The following GOLM2 variants were observed in gnomAD, a reference collection of about 807,000 sequenced individuals.
GOLM2 encodes golgi membrane protein 2.
In GOLM2, 26 loss-of-function variants were observed where a neutral mutation model predicts 55.9. The observed-to-expected ratio is 0.47, with a 90% CI of 0.34 to 0.65. The LOEUF (loss-of-function observed/expected upper bound fraction) is 0.65, where lower values mean the gene tolerates loss of function less well. GOLM2 is among the 30% of genes least tolerant of loss of function. The pLI is 0.01. For synonymous variants in GOLM2, 165 were observed against 194.6 expected (o/e 0.85, Z 1.27); for missense variants, 486 against 531.8 (o/e 0.91, Z 0.85).
intron 1 of GOLM2, among the ~76,000 whole-genome samples, chr15:44,306,490 C>G (rs1265035228): frequency 1.3e-5 from 2 of 152,130 alleles, no homozygotes; most frequent in Non-Finnish European, 2.9e-5. Flanking sequence ...TCCATATCAG[C>G]AACAGTAAGG....
At chr15:44,393,510 G>A (rs2079505043) in intron 8 of GOLM2, among the ~76,000 whole-genome samples, 1 of 152,152 alleles carries the variant, frequency 6.6e-6, no homozygotes, top group South Asian at 2.1e-4. Flanking sequence ...TCTAAAATGT[G>A]TATGGAAACT....
chr15:44,308,494 C>T (rs2141117592), intron 1 of GOLM2: 1 of 152,282 alleles, frequency 6.6e-6, no homozygotes, highest in Admixed American at 6.5e-5. Context: ...TCCCCTCTTT[C>T]AGTTATTGTG....
chr15:44,288,912 C>G lies in GOLM2; in HGVS notation c.-118C>G, dbSNP rs1229288268. On this transcript the variant is annotated 5_prime_UTR_variant, in exon 1 of 10. Transcript: ENST00000299957. ...CCGGCTCGCAGCCGACCGGTAAGCC[C>G]GCCTCCTCCCTCGGCCGGCCCTGGG... 7 of 925,256 alleles carry G rather than the reference C, an allele frequency of 7.6e-6. No individual in the cohort carries two copies. The East Asian group carries it at 1.9e-4, about 25-fold the overall frequency. 57.3% of individuals were successfully genotyped at this position (925,256 alleles called of 1,614,324 possible). A position where few individuals can be genotyped will look rare whatever the true frequency, so the allele number is the denominator to read the frequency against.
chr15:44,389,177 T>G (rs1260027926), intron 8 of GOLM2, among the ~76,000 whole-genome samples: 2 of 152,184 alleles, frequency 1.3e-5, no homozygotes, highest in Non-Finnish European at 2.9e-5. Context: ...GACTTACAAT[T>G]TTTTTCTTTC....
At chr15:44,290,910 TCTC>T (rs1011409596) in intron 1 of GOLM2, among the ~76,000 whole-genome samples, 14 of 152,056 alleles carry the variant, frequency 9.2e-5, no homozygotes, top group African/African-American at 2.7e-4. Context: ...TTCAAGCAAT[TCTC>T]CTGCTTCAGC....
At chr15:44,363,838 A>G (rs1406861620) in intron 6 of GOLM2, among the ~76,000 whole-genome samples, 2 of 152,020 alleles carry the variant, frequency 1.3e-5, no homozygotes, top group Non-Finnish European at 2.9e-5. Context: ...TGTGGCACAT[A>G]TACACCATGG....
chr15:44,291,812 CCTT>C (rs1182356143), intron 1 of GOLM2, among the ~76,000 whole-genome samples: 4 of 152,106 alleles, frequency 2.6e-5, no homozygotes, highest in African/African-American at 9.7e-5. Context: ...AACAGAATAC[CCTT>C]CTTGTAATAT....
Position 44,321,467 on chromosome 15 carries a change from C to G in GOLM2, c.328-1498C>G, listed in dbSNP as rs78070581. Among the ~76,000 whole-genome samples, 7 of 32,692 alleles carry G rather than the reference C, an allele frequency of 2.1e-4. No individual in the cohort carries two copies. In the East Asian group the frequency reaches 4.7e-3, roughly 22 times the overall value. The allele number at this position is 32,692 out of a possible 152,430, so 21.4% of individuals were successfully genotyped here. ...TGGTCTGCAGAGTGAGAACATGTCTCAAAAAAAAAAAAAAAAAGGGGGGGT... is the reference window on the plus strand; with the variant it reads ...TGGTCTGCAGAGTGAGAACATGTCTGAAAAAAAAAAAAAAAAAGGGGGGGT... On this transcript the variant is annotated intron_variant, in intron 1 of 9. Transcript: ENST00000299957.
chr15:44,356,819 T>C (rs1475292431), intron 6 of GOLM2, among the ~76,000 whole-genome samples: 1 of 152,258 alleles, frequency 6.6e-6, no homozygotes, highest in Admixed American at 6.5e-5. Flanking sequence ...ATATCTCTCT[T>C]GATCTTATAT....
chr15:44,303,102 CAATAAATAAATAAATA>C (rs71111853), intron 1 of GOLM2, among the ~76,000 whole-genome samples: 28 of 147,036 alleles, frequency 1.9e-4, no homozygotes, highest in Admixed American at 6.2e-4. Flanking sequence ...TACTCCATCT[CAATAAATAAATAAATA>C]AATAAATAAA....
chr15:44,309,406 A>G (rs1040367342), intron 1 of GOLM2, among the ~76,000 whole-genome samples: 3 of 152,218 alleles, frequency 2.0e-5, no homozygotes, highest in Admixed American at 6.5e-5. Flanking sequence ...AAGCATATCA[A>G]ATCATCAAAT....
chr15:44,408,763 C>G (rs1324788169), intron 9 of GOLM2, among the ~76,000 whole-genome samples: 1 of 151,968 alleles, frequency 6.6e-6, no homozygotes, highest in Admixed American at 6.6e-5. Flanking sequence ...CAGATCACAC[C>G]CTCCTGGCTA....
chr15:44,333,287 T>C (rs539959550), intron 4 of GOLM2, among the ~76,000 whole-genome samples: 29 of 152,186 alleles, frequency 1.9e-4, no homozygotes, highest in Non-Finnish European at 4.0e-4. Flanking sequence ...TTTTATGAAC[T>C]CTTGTGATTT....
rs893308003 is a variant in GOLM2 at position 44,403,065 on chromosome 15, G to T, written c.1240+11G>T. ...AGGAAGACGTCCAAGGTGAGCGTGG[G>T]CCTGGCCTCCATGCTATAACCATGA... On this transcript the variant is annotated intron_variant, in intron 9 of 9. Coordinates refer to ENST00000299957, the MANE Select transcript of GOLM2 (RefSeq NM_138423.4). 1.1e-5 allele frequency: 17 copies of T among 1,613,852 alleles called. No homozygotes were observed. Among genetic ancestry groups the T allele is most frequent in the Non-Finnish European group, 1.4e-5 (17 of 1,179,854 alleles).
chr15:44,314,934 C>T (rs566839372), intron 1 of GOLM2, among the ~76,000 whole-genome samples: 1 of 152,294 alleles, frequency 6.6e-6, no homozygotes, highest in Admixed American at 6.5e-5. Flanking sequence ...AGCCTAGGAC[C>T]TGGCACAAAA....
intron 7 of GOLM2, 117 bp from the exon 8 acceptor site, chr15:44,380,689 G>T: frequency 5.2e-6 from 3 of 581,660 alleles, no homozygotes; most frequent in Non-Finnish European, 5.2e-6. Context: ...AAAGCTTTGT[G>T]GCTACCCAAT....
intron 1 of GOLM2, among the ~76,000 whole-genome samples, chr15:44,296,511 T>TA (rs2078757750): frequency 1.3e-5 from 2 of 152,152 alleles, no homozygotes; most frequent in South Asian, 4.1e-4. Context: ...AGAAGCGTAT[T>TA]ACAAAAAAAT....
chr15:44,339,955 A>T (rs924666548), intron 6 of GOLM2, among the ~76,000 whole-genome samples: 1 of 151,490 alleles, frequency 6.6e-6, no homozygotes, highest in African/African-American at 2.4e-5. Flanking sequence ...GAGTAGCAGG[A>T]ACTACAGGCA....
At chr15:44,319,293 A>G (rs921343904) in intron 1 of GOLM2, among the ~76,000 whole-genome samples, 1 of 151,808 alleles carries the variant, frequency 6.6e-6, no homozygotes, top group African/African-American at 2.4e-5. Context: ...GGCTCATTGC[A>G]CTCCTGACTT....
Sources: gnomAD v4.1 joint callset for allele counts (sites outside exome capture counted in the v4.1 genomes callset) on GRCh38, gnomAD v4.1.1 for gene constraint, MANE v1.5 for transcripts, NCBI Gene and HGNC (gene_info 2026-07-23, HGNC 2026-07-21) for gene names.